Variants in FOXP1 observed in about 807,000 individuals in gnomAD.
FOXP1 encodes forkhead box P1.
In FOXP1, 15 loss-of-function variants were observed where a neutral mutation model predicts 98.2. The observed-to-expected ratio is 0.15, with a 90% CI of 0.10 to 0.24. The LOEUF is 0.24. Among genes scored for constraint, FOXP1 ranks in the 10% least tolerant of loss-of-function variants. FOXP1 has a pLI of 1.00. For missense variants in FOXP1, 633 were observed against 848.5 expected (o/e 0.75, Z 3.15); for synonymous variants, 371 against 314.5 (o/e 1.18, Z -1.90).
chr3:71,519,638 T>C (rs1432585373), intron 2 of FOXP1, among the ~76,000 whole-genome samples: 1 of 152,218 alleles, frequency 6.6e-6, no homozygotes, highest in Non-Finnish European at 1.5e-5. Flanking sequence ...TCACTTTATT[T>C]CTATTCCTTG....
chr3:71,321,162 T>C (rs2075370425), intron 4 of FOXP1, among the ~76,000 whole-genome samples: 1 of 150,946 alleles, frequency 6.6e-6, no homozygotes, highest in Admixed American at 6.6e-5. Context: ...TTTCAGATAG[T>C]AAGACGATTT....
chr3:71,563,425 T>C (rs539865073), intron 2 of FOXP1, among the ~76,000 whole-genome samples: 54 of 152,318 alleles, frequency 3.5e-4, no homozygotes, highest in African/African-American at 1.3e-3. Flanking sequence ...GGCAACTGGC[T>C]GAGAACAGAG....
At chr3:71,477,226 A>G (rs1336646105) in intron 3 of FOXP1, among the ~76,000 whole-genome samples, 1 of 152,152 alleles carries the variant, frequency 6.6e-6, no homozygotes, top group East Asian at 1.9e-4. Flanking sequence ...CCACCTAGCA[A>G]GTAGAAAAGT....
intron 13 of FOXP1, among the ~76,000 whole-genome samples, chr3:70,995,311 T>C (rs946013621): frequency 6.6e-6 from 1 of 152,176 alleles, no homozygotes; most frequent in Non-Finnish European, 1.5e-5. Context: ...GGAGTTCTTA[T>C]CCTCAACAAC....
In FOXP1 at chr3:71,208,536, T is replaced by TTGTGTGTGTGTGTG. The variant is rs1553780525; in HGVS notation, c.-11-10158_-11-10145dup. ...TTTATCAAAATTCTAGCATTTAAGT[T>TTGTGTGTGTGTGTG]TGTGTGTGTGTGTGTGTGTGTGTGT... On this transcript the variant is annotated intron_variant, in intron 5 of 20. Transcript: ENST00000649528. Among the ~76,000 whole-genome samples the TTGTGTGTGTGTGTG allele has an allele frequency of 2.9e-3, 430 of 149,442 alleles. 1 individual carries two copies. Among genetic ancestry groups the TTGTGTGTGTGTGTG allele is most frequent in the African/African-American group, 9.8e-3 (396 of 40,352 alleles).
intron 14 of FOXP1, among the ~76,000 whole-genome samples, chr3:70,978,317 G>C (rs1250718456): frequency 6.6e-6 from 1 of 152,168 alleles, no homozygotes; most frequent in African/African-American, 2.4e-5. Context: ...CCTGAGTCAA[G>C]ACATTTATTT....
chr3:71,359,070 T>C (rs565063553), intron 4 of FOXP1, 80 bp downstream of exon 4: 1 of 152,320 alleles, frequency 6.6e-6, no homozygotes, highest in Admixed American at 6.5e-5. Context: ...GCAGGATTAC[T>C]ATATCGACCA....
At chr3:71,184,219 G>A (rs1431214677) in intron 6 of FOXP1, among the ~76,000 whole-genome samples, 2 of 152,168 alleles carry the variant, frequency 1.3e-5, no homozygotes, top group East Asian at 3.9e-4. Flanking sequence ...GAGAACCACT[G>A]CTGACTGCCA....
chr3:71,332,351 C>G (rs933022117), intron 4 of FOXP1: 2 of 156,938 alleles, frequency 1.3e-5, no homozygotes, highest in African/African-American at 4.8e-5. Context: ...GAAGAAACTC[C>G]AAACACATCC....
intron 5 of FOXP1, among the ~76,000 whole-genome samples, chr3:71,252,432 C>T (rs774119210): frequency 6.6e-6 from 1 of 152,126 alleles, no homozygotes; most frequent in East Asian, 1.9e-4. Context: ...CCAAGAAAGA[C>T]GAAAGAAAAG....
intron 5 of FOXP1, among the ~76,000 whole-genome samples, chr3:71,201,759 A>C (rs780298914): frequency 6.6e-6 from 1 of 152,134 alleles, no homozygotes; most frequent in Non-Finnish European, 1.5e-5. Context: ...GATATATCTC[A>C]AATATATATA....
chr3:71,514,652 G>A (rs2042431620), intron 2 of FOXP1, among the ~76,000 whole-genome samples: 1 of 152,232 alleles, frequency 6.6e-6, no homozygotes. Context: ...GGAAGGGTAT[G>A]TTCTCTTCAC....
At chr3:71,331,380 C>A (rs901097029) in intron 4 of FOXP1, among the ~76,000 whole-genome samples, 7 of 152,044 alleles carry the variant, frequency 4.6e-5, no homozygotes, top group East Asian at 1.9e-4. Context: ...CCCTCCCCAC[C>A]CCCCGCCATG....
chr3:71,515,446 A>AC (rs1487789558), intron 2 of FOXP1, among the ~76,000 whole-genome samples: 3 of 144,446 alleles, frequency 2.1e-5, no homozygotes, highest in Non-Finnish European at 3.1e-5. Flanking sequence ...AAAAAAAAAA[A>AC]AAAAAAACTG....
chr3:71,528,900 T>C (rs767651495), intron 2 of FOXP1, among the ~76,000 whole-genome samples: 12 of 152,222 alleles, frequency 7.9e-5, no homozygotes, highest in Non-Finnish European at 1.8e-4. Context: ...TCTTGAAGTA[T>C]GAAGTATCTT....
Position 71,178,870 on chromosome 3 carries a change from C to T in FOXP1, c.180+19332G>A, listed in dbSNP as rs982209872. On this transcript the variant is annotated intron_variant, in intron 6 of 20. Transcript: ENST00000649528. ...CTGCACTGCAGCCTGGGCGACAGAGCGAGACTCCAACTCAAAAACAAAAAA... is the reference window on the plus strand; with the variant it reads ...CTGCACTGCAGCCTGGGCGACAGAGTGAGACTCCAACTCAAAAACAAAAAA... 6.6e-5 allele frequency among the ~76,000 whole-genome samples: 10 copies of T among 150,584 alleles called. No homozygotes were observed. The East Asian group carries it at 8.0e-4, about 12-fold the overall frequency.
At chr3:70,999,055 C>T (rs2107596783) in intron 13 of FOXP1, among the ~76,000 whole-genome samples, 1 of 152,256 alleles carries the variant, frequency 6.6e-6, no homozygotes, top group African/African-American at 2.4e-5. Flanking sequence ...ATAAGTACCA[C>T]CAATATGTAC....
chr3:71,051,445 T>C (rs1262554188), intron 9 of FOXP1, among the ~76,000 whole-genome samples: 5 of 152,186 alleles, frequency 3.3e-5, no homozygotes, highest in Admixed American at 2.6e-4. Context: ...AGGGAGAATG[T>C]CTGGGTCACT....
intron 7 of FOXP1, among the ~76,000 whole-genome samples, chr3:71,067,663 A>G (rs549330683): frequency 1.1e-4 from 17 of 151,338 alleles, no homozygotes; most frequent in African/African-American, 3.6e-4. Context: ...TTGGGAGGCC[A>G]AGGCAGGAAG....
Sources: allele counts gnomAD v4.1 joint callset (sites outside exome capture counted in the v4.1 genomes callset), GRCh38; gene constraint gnomAD v4.1.1; transcripts MANE v1.5; gene names NCBI Gene and HGNC (gene_info 2026-07-23, HGNC 2026-07-21).